PRDM1: variants seen among roughly 807,000 people sequenced by gnomAD.
PRDM1 encodes the protein PR domain zinc finger protein 1.
A neutral mutation model predicts 62.8 loss-of-function variants in PRDM1; 13 were observed. The ratio of observed to expected loss-of-function variants is 0.21; its 90% CI spans 0.13 to 0.33. PRDM1 has a LOEUF of 0.33. Among genes scored for constraint, PRDM1 ranks in the 10% least tolerant of loss-of-function variants. The pLI, the probability that PRDM1 is intolerant of heterozygous loss-of-function variation, is 1.00. For synonymous variants in PRDM1, 396 were observed against 417.6 expected, an observed-to-expected ratio of 0.95 and a Z score of 0.63; for missense variants, 895 against 1,058.8, an observed-to-expected ratio of 0.85 and a Z score of 2.15.
At chr6:106,071,231 C>G (rs1773510877) in intron 1 of PRDM1, among the ~76,000 whole-genome samples, 1 of 151,866 alleles carries the variant, frequency 6.6e-6, no homozygotes, top group African/African-American at 2.4e-5. Flanking sequence ...CAAGATCACA[C>G]CACTGTACTC....
intron 1 of PRDM1, among the ~76,000 whole-genome samples, chr6:106,053,736 T>A (rs1204346869): frequency 6.6e-6 from 1 of 152,174 alleles, no homozygotes; most frequent in African/African-American, 2.4e-5. Flanking sequence ...CTGAGTTCCC[T>A]GGTTGGCGAG....
chr6:106,078,362 G>A (rs1206478802), intron 1 of PRDM1: 4 of 152,136 alleles, frequency 2.6e-5, no homozygotes, highest in African/African-American at 4.8e-5. Flanking sequence ...TTCCTCAGAA[G>A]GGCAAAATTA....
intron 1 of PRDM1, among the ~76,000 whole-genome samples, chr6:106,032,884 G>A (rs1161592405): frequency 6.6e-6 from 1 of 152,136 alleles, no homozygotes; most frequent in African/African-American, 2.4e-5. Flanking sequence ...CACTCATTAA[G>A]TTACTTTTAA....
intron 2 of PRDM1, among the ~76,000 whole-genome samples, chr6:106,091,928 A>C (rs1333807414): frequency 6.6e-6 from 1 of 152,196 alleles, no homozygotes; most frequent in Admixed American, 6.5e-5. Flanking sequence ...ACAAATATTC[A>C]TATGGTCAAA....
upstream of PRDM1, among the ~76,000 whole-genome samples, chr6:106,047,095 A>T (rs934398818): frequency 6.6e-6 from 1 of 152,210 alleles, no homozygotes; most frequent in African/African-American, 2.4e-5. Flanking sequence ...AACAAACAGG[A>T]CTAAGTATCC....
At chr6:106,012,804 T>C (rs1309974191) in intron 1 of PRDM1, among the ~76,000 whole-genome samples, 2 of 152,232 alleles carry the variant, frequency 1.3e-5, no homozygotes, top group Non-Finnish European at 2.9e-5. Flanking sequence ...ATTACTTGTT[T>C]CTCTGTCTGA....
intron 1 of PRDM1, among the ~76,000 whole-genome samples, chr6:105,996,762 A>G (rs1424398879): frequency 6.6e-6 from 1 of 152,166 alleles, no homozygotes; most frequent in Non-Finnish European, 1.5e-5. Context: ...TTGGGATTCT[A>G]TATCTATTTG....
chr6:106,033,865 G>A (rs182117444), intron 1 of PRDM1, among the ~76,000 whole-genome samples: 1 of 152,038 alleles, frequency 6.6e-6, no homozygotes, highest in African/African-American at 2.4e-5. Flanking sequence ...GAAGCCATCA[G>A]GTTCAGGGCT....
At chr6:106,070,851 T>C (rs1437835623) in intron 1 of PRDM1, among the ~76,000 whole-genome samples, 1 of 152,254 alleles carries the variant, frequency 6.6e-6, no homozygotes, top group Admixed American at 6.5e-5. Flanking sequence ...CATCATGCCA[T>C]ACCCCAAAGA....
At position 106,021,871 on chromosome 6, in the gene PRDM1, C is replaced by T. The variant is rs1033836544; in HGVS notation, c.-67+28232C>T. On this transcript the variant is annotated intron_variant, in intron 1 of 6. Transcript: ENST00000652320. ...CCAGCCTCAGGTGATCCACCCACCT[C>T]GGCCTCCCAAAGTGCTGGGATTACA... is the stretch of plus-strand genomic sequence containing the variant. Among the ~76,000 whole-genome samples, 19 of 152,192 alleles carry T rather than the reference C, an allele frequency of 1.2e-4. 1 individual carries two copies. Among genetic ancestry groups the T allele is most frequent in the Admixed American group, 1.0e-3 (16 of 15,272 alleles).
intron 4 of PRDM1, chr6:106,100,296 G>T (rs1212976370): frequency 6.6e-6 from 1 of 152,234 alleles, no homozygotes; most frequent in Non-Finnish European, 1.5e-5. Flanking sequence ...AACCTCTGCT[G>T]TAACTATGGT....
At chr6:106,077,192 GC>G (rs1773616760) in intron 1 of PRDM1, among the ~76,000 whole-genome samples, 1 of 152,170 alleles carries the variant, frequency 6.6e-6, no homozygotes, top group Non-Finnish European at 1.5e-5. Context: ...TACATTCAGA[GC>G]CCACTACAGT....
intron 4 of PRDM1, among the ~76,000 whole-genome samples, chr6:106,104,414 TTGGTCAGGC>T (rs1170363691): frequency 6.6e-6 from 1 of 152,182 alleles, no homozygotes; most frequent in East Asian, 1.9e-4. Context: ...TTTCTCCATG[TTGGTCAGGC>T]TGGTCTCGAA....
upstream of PRDM1, among the ~76,000 whole-genome samples, chr6:106,045,171 C>G (rs140811268): frequency 6.6e-6 from 1 of 152,242 alleles, no homozygotes; most frequent in Non-Finnish European, 1.5e-5. Context: ...CAGGAACTAT[C>G]CCAATAAAAC....
Position 106,104,910 on chromosome 6 carries a change from G to C in PRDM1, c.750G>C (p.Val250=). The change falls in exon 5 of 7, where the codon GTG becomes GTC. Residue 250 remains valine, a synonymous_variant. Transcript: ENST00000369096. ...PKNVPKREYS[V]KEILKLDSNP... ...ATGTCCCAAAGAGAGAGTACAGCGT[G>C]AAAGAAATCCTAAAATTGGACTCCA... The C allele has an allele frequency of 6.2e-7, 1 of 1,614,136 alleles. No individual in the cohort carries two copies. The highest frequency in any genetic ancestry group is 1.1e-5 in the South Asian group (1 of 91,086).
At chr6:106,051,798 G>T (rs1461562861) in intron 1 of PRDM1, among the ~76,000 whole-genome samples, 4 of 152,140 alleles carry the variant, frequency 2.6e-5, no homozygotes, top group African/African-American at 9.7e-5. Flanking sequence ...GGCCTATGAA[G>T]TATTTGGGGA....
chr6:106,052,432 G>A (rs1773191464), intron 1 of PRDM1, among the ~76,000 whole-genome samples: 1 of 151,928 alleles, frequency 6.6e-6, no homozygotes, highest in Non-Finnish European at 1.5e-5. Flanking sequence ...TGCCTTTAAT[G>A]TTTTTTTACG....
intron 1 of PRDM1, among the ~76,000 whole-genome samples, chr6:106,022,498 G>A (rs544231646): frequency 1.3e-5 from 2 of 150,008 alleles, no homozygotes; most frequent in East Asian, 2.0e-4. Flanking sequence ...GCTTGATCTC[G>A]GCTCACTGCA....
At chr6:106,089,780 T>C (rs1773911796) in intron 2 of PRDM1, among the ~76,000 whole-genome samples, 1 of 152,224 alleles carries the variant, frequency 6.6e-6, no homozygotes, top group South Asian at 2.1e-4. Context: ...GTAGGATTTG[T>C]TTGGGTATAT....
Sources: gnomAD v4.1 joint callset for allele counts (sites outside exome capture counted in the v4.1 genomes callset) on GRCh38, gnomAD v4.1.1 for gene constraint, MANE v1.5 for transcripts, NCBI Gene and HGNC (gene_info 2026-07-23, HGNC 2026-07-21) for gene names.